The following ABHD6 variants were observed in gnomAD, a reference collection of about 807,000 sequenced individuals.
ABHD6 encodes the protein monoacylglycerol lipase ABHD6.
ABHD6 carries 33 observed loss-of-function variants against 38.8 expected under a neutral mutation model. That is an observed-to-expected ratio of 0.85 (90% CI 0.64 to 1.14). The LOEUF is 1.14. Among genes scored for constraint, ABHD6 ranks in the 50% most tolerant of loss-of-function variants. The pLI, the probability that ABHD6 is intolerant of heterozygous loss-of-function variation, is 0.00. For synonymous variants in ABHD6, 147 were observed against 161.6 expected (o/e 0.91, Z 0.69); for missense variants, 380 against 422.6 (o/e 0.90, Z 0.88).
Position 58,254,859 on chromosome 3 carries a change from C to T in ABHD6, c.-25-1703C>T, listed in dbSNP as rs867831318. On this transcript the variant is annotated intron_variant, in intron 2 of 9. Coordinates refer to ENST00000478253, the MANE Select transcript of ABHD6 (RefSeq NM_001320126.2). ...ATACATATATATGTGTATACACACA[C>T]ACACACACACACACACACACACACA... Among the ~76,000 whole-genome samples, 1,041 of 146,836 alleles carry T rather than the reference C, an allele frequency of 7.1e-3. 12 individuals are homozygous for T. Among genetic ancestry groups the T allele is most frequent in the African/African-American group, 0.024 (944 of 39,662 alleles).
chr3:58,247,716 A>C (rs1173366486), intron 1 of ABHD6, among the ~76,000 whole-genome samples: 1 of 152,126 alleles, frequency 6.6e-6, no homozygotes, highest in Non-Finnish European at 1.5e-5. Context: ...CAGGGACTAC[A>C]GGCGCACACC....
chr3:58,264,387 G>GCACACACACACA (rs61099164), intron 3 of ABHD6, among the ~76,000 whole-genome samples: 39 of 132,314 alleles, frequency 2.9e-4, no homozygotes, highest in Non-Finnish European at 3.7e-4. Flanking sequence ...TTATATAAAC[G>GCACACACACACA]CACACACACA....
At chr3:58,272,768 A>G (rs139886492) in intron 6 of ABHD6, among the ~76,000 whole-genome samples, 14 of 152,330 alleles carry the variant, frequency 9.2e-5, no homozygotes, top group African/African-American at 2.9e-4. Flanking sequence ...TTGTATGTGA[A>G]AACTAAAAAG....
chr3:58,267,107 T>G lies in ABHD6; in HGVS notation c.120-82T>G. The stretch of plus-strand genomic sequence containing the variant: ...TTGTGTTATCACTAAGGAAGACTTA[T>G]AGAGAGGACCTGTGCCCATCTTGAA... On this transcript the variant is annotated intron_variant, in intron 3 of 9. Transcript: ENST00000478253. This position sits in a 1 kb window ranked among gnomAD's most constrained non-coding sequence, Gnocchi z 4.3. 1.4e-6 allele frequency: 2 copies of G among 1,444,344 alleles called. No homozygotes were observed. The highest frequency in any genetic ancestry group is 9.5e-7 in the Non-Finnish European group (1 of 1,049,312). The allele number at this position is 1,444,344 out of a possible 1,614,324, so 89.5% of individuals were successfully genotyped here.
chr3:58,243,130 G>A (rs10866015), intron 1 of ABHD6, among the ~76,000 whole-genome samples: 113,620 of 151,924 alleles, frequency 0.75, 43,682 homozygotes, highest in East Asian at 1. Context: ...ATTGATGGAC[G>A]TTTGGGTTGG....
At position 58,238,619 on chromosome 3, in the gene ABHD6, C is replaced by T. The variant is rs1351461093; in HGVS notation, c.-91+703C>T. The T allele has an allele frequency of 2.6e-5, 4 of 153,268 alleles. No homozygotes were observed. Among genetic ancestry groups the T allele is most frequent in the African/African-American group, 7.2e-5 (3 of 41,478 alleles). 9.5% of individuals were successfully genotyped at this position (153,268 alleles called of 1,614,324 possible). On this transcript the variant is annotated intron_variant, in intron 1 of 9. Transcript: ENST00000478253. This position sits in a 1 kb window ranked among gnomAD's most constrained non-coding sequence, Gnocchi z 6.9. ...CAGGGCAGTGCACGTGCAGGGTTTG[C>T]GCCCCTGAGCCCACAGCGAGGCCAG...
chr3:58,243,564 C>A (rs995453158), intron 1 of ABHD6, among the ~76,000 whole-genome samples: 1 of 151,642 alleles, frequency 6.6e-6, no homozygotes. Context: ...GAGAAAAAAA[C>A]AGAAAGCCAG....
At chr3:58,252,916 A>G (rs2097430983) in intron 2 of ABHD6, among the ~76,000 whole-genome samples, 1 of 152,206 alleles carries the variant, frequency 6.6e-6, no homozygotes, top group East Asian at 1.9e-4. Context: ...ATAGGAATAA[A>G]TTGCCTACCC....
chr3:58,289,134 A>C (rs1042963849), intron 9 of ABHD6, among the ~76,000 whole-genome samples: 1 of 152,192 alleles, frequency 6.6e-6, no homozygotes, highest in Admixed American at 6.5e-5. Context: ...AGCTCACTGC[A>C]GCCTCAACCT....
Position 58,256,856 on chromosome 3 carries a change from T to G in ABHD6, c.119+151T>G. The G allele has an allele frequency of 1.5e-6, 1 of 673,188 alleles. No individual in the cohort carries two copies. The highest frequency in any genetic ancestry group is 2.6e-6 in the Non-Finnish European group (1 of 389,416). 41.7% of individuals were successfully genotyped at this position (673,188 alleles called of 1,614,324 possible). On this transcript the variant is annotated intron_variant, in intron 3 of 9. Transcript: ENST00000478253. The surrounding 1 kb of genome is among the most constrained non-coding windows in gnomAD (Gnocchi z 4.3). ...AAGGTACTCATCCTGTTTGGAATTTTGGGAATGCTCTTGAAGAATATTACC... is the reference window on the plus strand; with the variant it reads ...AAGGTACTCATCCTGTTTGGAATTTGGGGAATGCTCTTGAAGAATATTACC...
intron 7 of ABHD6, among the ~76,000 whole-genome samples, chr3:58,276,711 T>A (rs2097448992): frequency 6.6e-6 from 1 of 152,234 alleles, no homozygotes; most frequent in South Asian, 2.1e-4. Context: ...CTGTATGGTA[T>A]TGCCTAGGTT....
At chr3:58,290,548 G>A (rs1460978159) in intron 9 of ABHD6, among the ~76,000 whole-genome samples, 6 of 140,506 alleles carry the variant, frequency 4.3e-5, no homozygotes, top group East Asian at 2.4e-4. Flanking sequence ...CGGACGGGTC[G>A]GCTGCCAGGC....
chr3:58,267,104 TTA>T lies in ABHD6; in HGVS notation c.120-82_120-81del, dbSNP rs1374463234. 1.1e-5 allele frequency: 15 copies of T among 1,428,408 alleles called. No individual in the cohort carries two copies. The highest frequency in any genetic ancestry group is 1.4e-5 in the Non-Finnish European group (15 of 1,035,574). The allele number at this position is 1,428,408 out of a possible 1,614,324, so 88.5% of individuals were successfully genotyped here. ...TGTTTGTGTTATCACTAAGGAAGAC[TTA>T]TAGAGAGGACCTGTGCCCATCTTGA... On this transcript the variant is annotated intron_variant, in intron 3 of 9. Transcript: ENST00000478253. This position sits in a 1 kb window ranked among gnomAD's most constrained non-coding sequence, Gnocchi z 4.3.
At chr3:58,274,888 A>C (rs1386006422) in intron 7 of ABHD6, 73 bp downstream of exon 7, 1 of 1,521,496 alleles carries the variant, frequency 6.6e-7, no homozygotes, top group Non-Finnish European at 8.9e-7. Flanking sequence ...TCCTGCACGT[A>C]TTCCCTCCTT....
chr3:58,252,235 T>TTTTTTG (rs2097430473), intron 2 of ABHD6, among the ~76,000 whole-genome samples: 1 of 141,336 alleles, frequency 7.1e-6, no homozygotes, highest in South Asian at 2.3e-4. Context: ...GCTTGTTTTT[T>TTTTTTG]TTTTTTTTTT....
intron 5 of ABHD6, 136 bp from the exon 6 acceptor site, chr3:58,270,796 C>G: frequency 1.1e-6 from 1 of 933,900 alleles, no homozygotes; most frequent in South Asian, 2.4e-5. Context: ...ATAATGGATC[C>G]AGTAGAGTTT....
Position 58,274,655 on chromosome 3 carries a change from C to T in ABHD6, c.524-3C>T, listed in dbSNP as rs1466908322. On this transcript the variant is annotated splice_region_variant and splice_polypyrimidine_tract_variant and intron_variant, in intron 6 of 9. Coordinates refer to ENST00000478253, the MANE Select transcript of ABHD6 (RefSeq NM_001320126.2). ...TCAAGCCATTTGGGTTTGAATCCCACAGGCCTGCAGTACTCAACTGACAAT... is the reference window on the plus strand; with the variant it reads ...TCAAGCCATTTGGGTTTGAATCCCATAGGCCTGCAGTACTCAACTGACAAT... The T allele has an allele frequency of 6.2e-7, 1 of 1,612,490 alleles. No homozygotes were observed. The highest frequency in any genetic ancestry group is 8.5e-7 in the Non-Finnish European group (1 of 1,179,306).
chr3:58,281,549 C>T (rs2097453250), intron 7 of ABHD6, among the ~76,000 whole-genome samples: 1 of 152,230 alleles, frequency 6.6e-6, no homozygotes, highest in South Asian at 2.1e-4. Context: ...CCTTGCACTT[C>T]CCAGGTGAGG....
chr3:58,282,849 G>A (rs1208764667), intron 7 of ABHD6, among the ~76,000 whole-genome samples: 1 of 152,226 alleles, frequency 6.6e-6, no homozygotes, highest in African/African-American at 2.4e-5. Context: ...CAGGTTGCCT[G>A]TGAGGCCTCC....
Sources: allele counts gnomAD v4.1 joint callset (sites outside exome capture counted in the v4.1 genomes callset), GRCh38; gene constraint gnomAD v4.1.1; non-coding constraint Gnocchi (gnomAD v3.1); transcripts MANE v1.5; gene names NCBI Gene and HGNC (gene_info 2026-07-23, HGNC 2026-07-21).